The following CORIN variants were observed in gnomAD, a reference collection of about 807,000 sequenced individuals.
The protein encoded by CORIN is corin, serine peptidase, also known as atrial natriuretic peptide-converting enzyme.
A neutral mutation model predicts 125.3 loss-of-function variants in CORIN; 117 were observed. That is an observed-to-expected ratio of 0.93 (90% CI 0.80 to 1.09). The LOEUF (loss-of-function observed/expected upper bound fraction) is 1.09. Among genes scored for constraint, CORIN ranks in the 50% least tolerant of loss-of-function variants. The pLI is 0.00. For synonymous variants in CORIN, 450 were observed against 466.4 expected, an observed-to-expected ratio of 0.96 and a Z score of 0.45; for missense variants, 1,253 against 1,306.7, an observed-to-expected ratio of 0.96 and a Z score of 0.63.
At position 47,595,646 on chromosome 4, in the gene CORIN, G is replaced by A; in HGVS notation, c.*75C>T. On this transcript the variant is annotated 3_prime_UTR_variant, in exon 22 of 22. Coordinates refer to ENST00000273857, the MANE Select transcript of CORIN (RefSeq NM_006587.4). Reference sequence around the variant, plus strand: ...GAAAAGTGCTTCTGTACAGCTCTCTGCAGGCAGCTCTTCACAGTCAAGAAG... The same window carrying A: ...GAAAAGTGCTTCTGTACAGCTCTCTACAGGCAGCTCTTCACAGTCAAGAAG... 8.4e-7 allele frequency: 1 copy of A among 1,197,576 alleles called. No individual in the cohort carries two copies. The highest frequency in any genetic ancestry group is 1.2e-6 in the Non-Finnish European group (1 of 850,850). The allele number at this position is 1,197,576 out of a possible 1,614,324, so 74.2% of individuals were successfully genotyped here.
intron 21 of CORIN, among the ~76,000 whole-genome samples, chr4:47,596,413 C>T (rs1303138026): frequency 6.6e-6 from 1 of 152,134 alleles, no homozygotes; most frequent in Non-Finnish European, 1.5e-5. Flanking sequence ...TACTACACTT[C>T]TTAATAGTTC....
Position 47,603,562 on chromosome 4 carries a change from G to A in CORIN, c.2647C>T (p.Arg883Cys), listed in dbSNP as rs750194881. The A allele has an allele frequency of 1.4e-5, 23 of 1,614,058 alleles. No individual in the cohort carries two copies. Among genetic ancestry groups the A allele is most frequent in the Middle Eastern group, 1.6e-4 (1 of 6,084 alleles). The change falls in exon 20 of 22, where the codon CGC becomes TGC. Residue 883 changes from arginine (R) to cysteine (C), a missense_variant. By Grantham distance (180) the Arg-to-Cys change is radical (BLOSUM62 -3). Transcript: ENST00000273857. Reference sequence around the variant, plus strand: ...TAGTCCACCACTGCTCGACTGTAGCGGGGATGCAGGATGATGGTCTTCACA... The same window carrying A: ...TAGTCCACCACTGCTCGACTGTAGCAGGGATGCAGGATGATGGTCTTCACA... The part of the protein sequence containing the change: ...RFVKTIILHP[R>C]YSRAVVDYDI...
intron 19 of CORIN, among the ~76,000 whole-genome samples, chr4:47,614,303 C>T (rs1024506770): frequency 7.2e-5 from 11 of 152,276 alleles, no homozygotes; most frequent in South Asian, 4.1e-4. Flanking sequence ...TCAAGTGATT[C>T]GCCTGCCTCA....
intron 13 of CORIN, among the ~76,000 whole-genome samples, chr4:47,646,598 A>C (rs750998824): frequency 4.6e-5 from 7 of 152,216 alleles, no homozygotes; most frequent in Non-Finnish European, 1.0e-4. Flanking sequence ...CCAGGCCGTG[A>C]AGTACATGAA....
In CORIN at chr4:47,614,640, T is replaced by C. The variant is rs1403900098; in HGVS notation, c.2540+8931A>G. Among the ~76,000 whole-genome samples the C allele has an allele frequency of 3.3e-5, 5 of 152,320 alleles. No individual in the cohort carries two copies. In the East Asian group the frequency reaches 9.7e-4, roughly 29 times the overall value. On this transcript the variant is annotated intron_variant, in intron 19 of 21. Transcript: ENST00000273857. ...CGGTCCAAGGCATGGGAGGAGCTGG[T>C]GAGATCACTGACTCTCTGTAGAAGA...
chr4:47,820,989 C>A (rs1732485217), intron 1 of CORIN, among the ~76,000 whole-genome samples: 1 of 152,130 alleles, frequency 6.6e-6, no homozygotes, highest in African/African-American at 2.4e-5. Flanking sequence ...GTCATCCCAG[C>A]TCTTTGGGAG....
intron 5 of CORIN, among the ~76,000 whole-genome samples, chr4:47,713,869 T>G (rs1417699130): frequency 6.6e-6 from 1 of 152,160 alleles, no homozygotes; most frequent in Non-Finnish European, 1.5e-5. Context: ...AATGAACATC[T>G]ATTTAGATCA....
intron 19 of CORIN, among the ~76,000 whole-genome samples, chr4:47,604,134 A>G (rs1721556095): frequency 6.6e-6 from 1 of 152,222 alleles, no homozygotes; most frequent in African/African-American, 2.4e-5. Flanking sequence ...TCCAATGGTC[A>G]TTCCCATACT....
At chr4:47,782,271 G>T (rs1481081765) in intron 3 of CORIN, among the ~76,000 whole-genome samples, 1 of 151,650 alleles carries the variant, frequency 6.6e-6, no homozygotes, top group African/African-American at 2.4e-5. Context: ...TGTAATCCCA[G>T]CTACTCAGGA....
intron 3 of CORIN, among the ~76,000 whole-genome samples, chr4:47,783,481 C>G (rs1031320734): frequency 6.6e-6 from 1 of 151,922 alleles, no homozygotes; most frequent in Non-Finnish European, 1.5e-5. Context: ...CATGAAGAAC[C>G]CCCAAGAAAA....
intron 13 of CORIN, among the ~76,000 whole-genome samples, chr4:47,651,340 G>A (rs984056144): frequency 2.0e-5 from 3 of 152,226 alleles, no homozygotes; most frequent in African/African-American, 7.2e-5. Flanking sequence ...GCTGGAGCTG[G>A]TGCTTGCATT....
At chr4:47,752,415 G>A (rs1484058375) in intron 4 of CORIN, among the ~76,000 whole-genome samples, 1 of 152,122 alleles carries the variant, frequency 6.6e-6, no homozygotes, top group Non-Finnish European at 1.5e-5. Flanking sequence ...CACACGCAGA[G>A]GTGACTCCTG....
At chr4:47,689,578 G>C (rs968386019) in intron 6 of CORIN, among the ~76,000 whole-genome samples, 2 of 152,134 alleles carry the variant, frequency 1.3e-5, no homozygotes, top group African/African-American at 4.8e-5. Flanking sequence ...TAAAATGTGT[G>C]AACTTTGTGG....
intron 3 of CORIN, among the ~76,000 whole-genome samples, chr4:47,778,038 C>T (rs1730377871): frequency 6.6e-6 from 1 of 152,092 alleles, no homozygotes; most frequent in Admixed American, 6.6e-5. Flanking sequence ...TTCATCTGAG[C>T]CTTTGACTTT....
chr4:47,793,355 G>A (rs1448331375), intron 2 of CORIN, among the ~76,000 whole-genome samples: 2 of 152,200 alleles, frequency 1.3e-5, no homozygotes, highest in African/African-American at 4.8e-5. Context: ...ATATTGCCAA[G>A]AGGGGTATCA....
chr4:47,604,537 C>G (rs543977322), intron 19 of CORIN, among the ~76,000 whole-genome samples: 7 of 152,310 alleles, frequency 4.6e-5, no homozygotes, highest in South Asian at 2.1e-4. Context: ...ACCATGTATG[C>G]CACAGTATTT....
chr4:47,739,108 A>C (rs573064849), intron 5 of CORIN, among the ~76,000 whole-genome samples: 1 of 152,166 alleles, frequency 6.6e-6, no homozygotes, highest in East Asian at 1.9e-4. Flanking sequence ...GAGTCCCAGA[A>C]AGAGATAAAA....
chr4:47,634,136 A>T (rs9917878), intron 16 of CORIN, among the ~76,000 whole-genome samples: 39,749 of 152,096 alleles, frequency 0.26, 5,430 homozygotes, highest in Admixed American at 0.36. Context: ...AGGATGATTG[A>T]TGCCAGGGAA....
intron 2 of CORIN, among the ~76,000 whole-genome samples, chr4:47,797,056 A>G (rs1486749933): frequency 6.6e-6 from 1 of 151,950 alleles, no homozygotes; most frequent in African/African-American, 2.4e-5. Flanking sequence ...CCCAATACCT[A>G]TAGCACACTG....
Sources: allele counts gnomAD v4.1 joint callset (sites outside exome capture counted in the v4.1 genomes callset), GRCh38; gene constraint gnomAD v4.1.1; transcripts MANE v1.5; gene names NCBI Gene and HGNC (gene_info 2026-07-23, HGNC 2026-07-21).